INO80D: variants seen among roughly 807,000 people sequenced by gnomAD.
INO80D encodes INO80 complex subunit D.
INO80D carries 21 observed loss-of-function variants against 87.6 expected under a neutral mutation model. The observed-to-expected ratio is 0.24, with a 90% confidence interval of 0.17 to 0.35. The LOEUF is 0.35. Among genes scored for constraint, INO80D ranks in the 10% least tolerant of loss-of-function variants. The pLI, the probability that INO80D is intolerant of heterozygous loss-of-function variation, is 1.00. For missense variants in INO80D, 982 were observed against 1,280.7 expected (o/e 0.77, Z 3.56); for synonymous variants, 440 against 491.0 (o/e 0.90, Z 1.37).
At chr2:206,077,948 C>T (rs2105909764) in intron 1 of INO80D, among the ~76,000 whole-genome samples, 1 of 148,766 alleles carries the variant, frequency 6.7e-6, no homozygotes, top group African/African-American at 2.5e-5. Context: ...TTCGTTTAAT[C>T]TTACTTTACA....
Position 206,004,604 on chromosome 2 carries a change from G to C in INO80D, c.2848C>G (p.Gln950Glu). Residue 950 changes from glutamine (Q) to glutamate (E), a missense_variant, in exon 11 of 11, where the codon CAG becomes GAG. Gln to Glu is a conservative substitution (Grantham distance 29). Coordinates refer to ENST00000403263, the MANE Select transcript of INO80D (RefSeq NM_017759.5). This position sits in a 1 kb window ranked among gnomAD's most constrained non-coding sequence, Gnocchi z 4.9. ...GGCCCCATGCCACTGAAGCTGGTCTGTGGTAACCCCGGAAGCACACTGGAG... is the reference window on the plus strand; with the variant it reads ...GGCCCCATGCCACTGAAGCTGGTCTCTGGTAACCCCGGAAGCACACTGGAG... ...SSSSVLPGLP[Q>E]TSFSGMGPSA... The C allele has an allele frequency of 3.1e-6, 5 of 1,612,704 alleles. No individual in the cohort carries two copies. The highest frequency in any genetic ancestry group is 4.2e-6 in the Non-Finnish European group (5 of 1,179,338).
Position 206,086,076 on chromosome 2 carries a change from AT to A in INO80D, c.-300del, listed in dbSNP as rs1260475452. On this transcript the variant is annotated 5_prime_UTR_variant, in exon 1 of 11. Coordinates refer to ENST00000403263, the MANE Select transcript of INO80D (RefSeq NM_017759.5). ...CAAGAGGGGTGAGGATCATATTTTT[AT>A]TTTGGAAACTAAAAAGTGCTCCCAG... 1.3e-5 allele frequency: 2 copies of A among 151,982 alleles called. No homozygotes were observed. Among genetic ancestry groups the A allele is most frequent in the East Asian group, 3.9e-4 (2 of 5,174 alleles). The allele number at this position is 151,982 out of a possible 1,614,324, so 9.4% of individuals were successfully genotyped here.
intron 5 of INO80D, among the ~76,000 whole-genome samples, chr2:206,037,997 C>G (rs1688935629): frequency 6.6e-6 from 1 of 152,138 alleles, no homozygotes; most frequent in African/African-American, 2.4e-5. Flanking sequence ...ACAAGTATCA[C>G]ATGTTCTCAC....
intron 6 of INO80D, among the ~76,000 whole-genome samples, chr2:206,020,711 GAA>G (rs1275539042): frequency 1.3e-5 from 2 of 152,042 alleles, no homozygotes; most frequent in African/African-American, 4.8e-5. Context: ...AAAAATGAAA[GAA>G]TGCTAGGCAG....
chr2:206,029,773 C>T (rs1688712029), intron 5 of INO80D, among the ~76,000 whole-genome samples: 1 of 152,140 alleles, frequency 6.6e-6, no homozygotes, highest in South Asian at 2.1e-4. Flanking sequence ...TTATGCTCAG[C>T]ACTACAGAAG....
intron 8 of INO80D, among the ~76,000 whole-genome samples, chr2:206,015,747 C>T (rs111397822): frequency 9.3e-4 from 141 of 152,276 alleles, no homozygotes; most frequent in Non-Finnish European, 1.6e-3. Flanking sequence ...ATTAGCCAAG[C>T]GTGGTGGCAC....
chr2:206,013,984 C>T (rs142798466), intron 8 of INO80D, among the ~76,000 whole-genome samples: 313 of 151,400 alleles, frequency 2.1e-3, no homozygotes, highest in African/African-American at 7.1e-3. Context: ...CATGGAAAAA[C>T]GCTTTCTCTA....
chr2:206,056,976 C>A (rs756602414), intron 3 of INO80D, 33 bp from the exon 4 acceptor site: 5 of 1,518,954 alleles, frequency 3.3e-6, no homozygotes, highest in Non-Finnish European at 4.4e-6. Context: ...GGAAAACAGT[C>A]ATGATACATA....
intron 8 of INO80D, among the ~76,000 whole-genome samples, chr2:206,016,323 G>GTA (rs1688318465): frequency 2.0e-5 from 3 of 152,196 alleles, no homozygotes; most frequent in Admixed American, 2.0e-4. Flanking sequence ...CATGGAGCCT[G>GTA]TAGCCCCTTT....
At chr2:206,011,374 C>A (rs1316613987) in intron 8 of INO80D, among the ~76,000 whole-genome samples, 2 of 152,182 alleles carry the variant, frequency 1.3e-5, no homozygotes, top group East Asian at 3.9e-4. Context: ...GTGCAGTGGC[C>A]TTGTGGCACT....
intron 5 of INO80D, among the ~76,000 whole-genome samples, chr2:206,040,247 C>G (rs957507118): frequency 1.4e-5 from 2 of 143,630 alleles, no homozygotes; most frequent in South Asian, 2.2e-4. Context: ...AATCTCACCA[C>G]TGCACTCCAG....
intron 8 of INO80D, among the ~76,000 whole-genome samples, chr2:206,014,479 T>C (rs1265575252): frequency 6.6e-6 from 1 of 152,020 alleles, no homozygotes; most frequent in African/African-American, 2.4e-5. Context: ...AGTGAATGGG[T>C]CTCACAGATC....
chr2:206,008,756 A>T (rs778374373), intron 9 of INO80D, among the ~76,000 whole-genome samples: 43 of 152,254 alleles, frequency 2.8e-4, no homozygotes, highest in Non-Finnish European at 3.1e-4. Context: ...ACTACTAGGT[A>T]ATACTTTTAC....
In INO80D at chr2:206,062,806, C is replaced by G. The variant is rs769725216; in HGVS notation, c.211G>C (p.Asp71His). 3.1e-6 allele frequency: 5 copies of G among 1,604,264 alleles called. No individual in the cohort carries two copies. The South Asian group carries it at 5.6e-5, about 18-fold the overall frequency. Residue 71 changes from aspartate (D) to histidine (H), a missense_variant, in exon 3 of 11, where the codon GAT becomes CAT. Physicochemically the swap from Asp to His is moderately conservative, Grantham distance 81. Coordinates refer to ENST00000403263, the MANE Select transcript of INO80D (RefSeq NM_017759.5). The surrounding 1 kb of genome is among the most constrained non-coding windows in gnomAD (Gnocchi z 4.6). ...RCTNPIPKSE[D>H]RRYCNSHLQV... ...CTCATGATTAGCCCTTACCTACGAT[C>G]CTCTGATTTGGGGATGGGGTTGGTG...
intron 1 of INO80D, among the ~76,000 whole-genome samples, chr2:206,081,872 T>A (rs1575901755): frequency 6.6e-6 from 1 of 152,094 alleles, no homozygotes; most frequent in East Asian, 1.9e-4. Context: ...ATCTAACCCT[T>A]ATATCAAAGA....
In INO80D at chr2:206,005,033, C is replaced by T; in HGVS notation, c.2419G>A (p.Asp807Asn). Reference sequence around the variant, plus strand: ...TGCTGTCGTGAGGTGATTAGGTCATCTGCCTTGCTCAGCAGCTGGGCAGGA... The same window carrying T: ...TGCTGTCGTGAGGTGATTAGGTCATTTGCCTTGCTCAGCAGCTGGGCAGGA... The part of the protein sequence containing the change: ...PHPAQLLSKA[D>N]DLITSRQQYS... The change falls in exon 11 of 11, where the codon GAT (aspartate) becomes AAT (asparagine). Residue 807 changes from aspartate (D) to asparagine (N), a missense_variant. By Grantham distance (23) the Asp-to-Asn change is conservative (BLOSUM62 1). Coordinates refer to ENST00000403263, the MANE Select transcript of INO80D (RefSeq NM_017759.5). The T allele has an allele frequency of 6.2e-7, 1 of 1,613,972 alleles. No individual in the cohort carries two copies. The highest frequency in any genetic ancestry group is 2.2e-5 in the East Asian group (1 of 44,878).
rs1005652748 is a variant in INO80D, at chr2:206,003,119, C to T, written c.*1249G>A. The T allele has an allele frequency of 6.6e-6, 1 of 152,118 alleles. No homozygotes were observed. The highest frequency in any genetic ancestry group is 1.5e-5 in the Non-Finnish European group (1 of 68,032). The allele number at this position is 152,118 out of a possible 1,614,324, so 9.4% of individuals were successfully genotyped here. A position where few individuals can be genotyped will look rare whatever the true frequency, so the allele number is the denominator to read the frequency against. ...AAGTACTTGAATTATTTTAAAAGGACCAAAGGGCGAATAAAATTTATATCT... is the reference window on the plus strand; with the variant it reads ...AAGTACTTGAATTATTTTAAAAGGATCAAAGGGCGAATAAAATTTATATCT... On this transcript the variant is annotated 3_prime_UTR_variant, in exon 11 of 11. Coordinates refer to ENST00000403263, the MANE Select transcript of INO80D (RefSeq NM_017759.5).
At chr2:206,071,298 T>C in intron 1 of INO80D, among the ~76,000 whole-genome samples, 1 of 80,174 alleles carries the variant, frequency 1.2e-5, no homozygotes, top group Non-Finnish European at 2.4e-5. Context: ...TTTTTTTTTT[T>C]TTTTTTTTTT....
rs1429834443 is a variant in INO80D at position 206,056,527 on chromosome 2, A to G, written c.635T>C (p.Leu212Pro). ...TTTTAAAGAAGTAGATAAAGGTGACAGGTGGGAGTGCTGCTGCGGAGGCTG... is the reference window on the plus strand; with the variant it reads ...TTTTAAAGAAGTAGATAAAGGTGACGGGTGGGAGTGCTGCTGCGGAGGCTG... ...QQQPPQQHSH[L>P]SPLSTSLKPP... Residue 212 changes from leucine to proline, a missense_variant, in exon 4 of 11, where the codon CTG (leucine) becomes CCG (proline). Leu to Pro is a moderately conservative substitution (Grantham distance 98). Transcript: ENST00000403263. 4 of 1,613,224 alleles carry G rather than the reference A, an allele frequency of 2.5e-6. No individual in the cohort carries two copies. The highest frequency in any genetic ancestry group is 3.4e-6 in the Non-Finnish European group (4 of 1,179,608).
Sources: gnomAD v4.1 joint callset for allele counts (sites outside exome capture counted in the v4.1 genomes callset) on GRCh38, gnomAD v4.1.1 for gene constraint, Gnocchi (gnomAD v3.1) non-coding constraint, MANE v1.5 for transcripts, NCBI Gene and HGNC (gene_info 2026-07-23, HGNC 2026-07-21) for gene names.